The following LRRC56 variants were observed in gnomAD, a reference collection of about 807,000 sequenced individuals.
LRRC56 encodes the protein leucine-rich repeat-containing protein 56.
In LRRC56, 41 loss-of-function variants were observed where a neutral mutation model predicts 47.8. The observed-to-expected ratio is 0.86, with a 90% CI of 0.67 to 1.11. The LOEUF is 1.11. Among genes scored for constraint, LRRC56 ranks in the 50% most tolerant of loss-of-function variants. LRRC56 has a pLI of 0.00. For missense variants in LRRC56, 759 were observed against 704.2 expected (o/e 1.08, Z -0.88); for synonymous variants, 387 against 311.2 (o/e 1.24, Z -2.56).
the LRRC56 span, among the ~76,000 whole-genome samples, chr11:527,083 T>C: frequency 2.6e-5 from 4 of 152,050 alleles, no homozygotes; most frequent in Admixed American, 1.3e-4. Context: ...GGGCAGATCA[T>C]GAGGTCAGGA....
chr11:509,937 G>A, the LRRC56 span, among the ~76,000 whole-genome samples: 1 of 151,828 alleles, frequency 6.6e-6, no homozygotes, highest in Non-Finnish European at 1.5e-5. Flanking sequence ...GTATATGGAA[G>A]TATTCCCACC....
At chr11:523,813 A>G in the LRRC56 span, among the ~76,000 whole-genome samples, 1 of 152,142 alleles carries the variant, frequency 6.6e-6, no homozygotes, top group Non-Finnish European at 1.5e-5. Context: ...CTGTAGTCCC[A>G]GCTACTCAGG....
At chr11:524,912 G>A in the LRRC56 span, among the ~76,000 whole-genome samples, 1 of 151,712 alleles carries the variant, frequency 6.6e-6, no homozygotes, top group Admixed American at 6.6e-5. Context: ...CCGACATGGT[G>A]AAACCCTATC....
chr11:508,203 C>T, the LRRC56 span, among the ~76,000 whole-genome samples: 1 of 152,248 alleles, frequency 6.6e-6, no homozygotes, highest in Non-Finnish European at 1.5e-5. Flanking sequence ...TCTCACTCCA[C>T]TGCTTAGGCT....
At chr11:521,557 C>T in the LRRC56 span, among the ~76,000 whole-genome samples, 1 of 152,188 alleles carries the variant, frequency 6.6e-6, no homozygotes, top group Non-Finnish European at 1.5e-5. Context: ...ACTGGCCCAC[C>T]TCAACCTCTC....
intron 12 of LRRC56, 63 bp from the exon 13 acceptor site, chr11:552,506 C>A: frequency 1.4e-6 from 2 of 1,420,192 alleles, no homozygotes; most frequent in Non-Finnish European, 1.9e-6. Context: ...CATGGACCAT[C>A]CCTATGTGTC....
At chr11:523,027 G>GTTTTT in the LRRC56 span, among the ~76,000 whole-genome samples, 9 of 151,980 alleles carry the variant, frequency 5.9e-5, no homozygotes, top group Middle Eastern at 3.4e-3. Context: ...ACAATATATA[G>GTTTTT]TTTTTTGTTT....
intron 8 of LRRC56, 110 bp downstream of exon 8, chr11:550,382 C>G: frequency 1.0e-6 from 1 of 999,992 alleles, no homozygotes; most frequent in Non-Finnish European, 1.4e-6. Context: ...CACCCGCACC[C>G]TATGGCCTGC....
chr11:533,743 C>G (rs375166344), upstream of LRRC56: 2 of 1,612,980 alleles, frequency 1.2e-6, no homozygotes, highest in Non-Finnish European at 8.5e-7. Context: ...CGTGGGCTCC[C>G]GGGCCAGCCT....
At chr11:512,745 G>A in the LRRC56 span, among the ~76,000 whole-genome samples, 38 of 152,116 alleles carry the variant, frequency 2.5e-4, 1 homozygote, top group Admixed American at 6.5e-5. Context: ...TATATGAGTG[G>A]TATCCATGCC....
At position 541,429 on chromosome 11, in the gene LRRC56, G is replaced by GT; in HGVS notation, c.178-107dup. The GT allele has an allele frequency of 1.7e-6, 1 of 573,322 alleles. No individual in the cohort carries two copies. The highest frequency in any genetic ancestry group is 2.9e-6 in the Non-Finnish European group (1 of 340,006). 35.5% of individuals were successfully genotyped at this position (573,322 alleles called of 1,614,324 possible). On this transcript the variant is annotated intron_variant, in intron 4 of 13. Transcript: ENST00000270115. This position sits in a 1 kb window ranked among gnomAD's most constrained non-coding sequence, Gnocchi z 4.1. Reference sequence around the variant, plus strand: ...GCCAACATGGCCCAGGCAGGGAAACGTCGGTGCCTGCTCCAGCGGGAGCCC... The same window carrying GT: ...GCCAACATGGCCCAGGCAGGGAAACGTTCGGTGCCTGCTCCAGCGGGAGCCC...
At chr11:547,097 C>T (rs542939637) in intron 6 of LRRC56, among the ~76,000 whole-genome samples, 5 of 150,588 alleles carry the variant, frequency 3.3e-5, no homozygotes, top group African/African-American at 7.3e-5. Flanking sequence ...TTGGGCTTGG[C>T]GGTGCATGCC....
intron 6 of LRRC56, 122 bp downstream of exon 6, chr11:544,902 A>T: frequency 5.0e-6 from 5 of 991,618 alleles, no homozygotes; most frequent in Non-Finnish European, 6.1e-6. Flanking sequence ...CCAGGGACCC[A>T]GGGGTCTAGA....
upstream of LRRC56, chr11:533,709 G>C (rs2133989089): frequency 9.3e-6 from 15 of 1,610,318 alleles, no homozygotes; most frequent in Non-Finnish European, 1.3e-5. Context: ...CCTGGACGCA[G>C]CCGGCCTGGC....
In LRRC56 at chr11:554,570, C is replaced by G. The variant is rs1195880773; in HGVS notation, c.*294C>G. 4 of 414,496 alleles carry G rather than the reference C, an allele frequency of 9.7e-6. No individual in the cohort carries two copies. The highest frequency in any genetic ancestry group is 1.7e-5 in the Non-Finnish European group (4 of 234,066). 25.7% of individuals were successfully genotyped at this position (414,496 alleles called of 1,614,324 possible). Reference sequence around the variant, plus strand: ...GGGCACGGGGGTGGGGGGTGGTCACCCGAGCAGGCCTGTGAGAGGCCTCTC... The same window carrying G: ...GGGCACGGGGGTGGGGGGTGGTCACGCGAGCAGGCCTGTGAGAGGCCTCTC... On this transcript the variant is annotated 3_prime_UTR_variant, in exon 14 of 14. Coordinates refer to ENST00000270115, the MANE Select transcript of LRRC56 (RefSeq NM_198075.4).
At chr11:518,188 T>A in the LRRC56 span, among the ~76,000 whole-genome samples, 326 of 147,612 alleles carry the variant, frequency 2.2e-3, 1 homozygote, top group Middle Eastern at 7.1e-3. Context: ...AATAATAAAA[T>A]TTTTTTTTTT....
chr11:535,591 C>T (rs904066661), upstream of LRRC56: 1 of 150,752 alleles, frequency 6.6e-6, no homozygotes, highest in Non-Finnish European at 1.5e-5. Context: ...ACGCCCCGCC[C>T]CGCGCCCGTC....
At chr11:552,068 A>G (rs1017544830) in intron 11 of LRRC56, 22 bp from the exon 12 acceptor site, 2 of 1,608,534 alleles carry the variant, frequency 1.2e-6, no homozygotes, top group Non-Finnish European at 1.7e-6. Flanking sequence ...GAATCCCTAA[A>G]GCAGTCCCTT....
At position 552,548 on chromosome 11, in the gene LRRC56, C is replaced by T. The variant is rs569566022; in HGVS notation, c.1182-21C>T. The T allele has an allele frequency of 3.2e-5, 51 of 1,585,846 alleles. 1 individual carries two copies. In the South Asian group the frequency reaches 5.2e-4, roughly 16 times the overall value. On this transcript the variant is annotated intron_variant, in intron 12 of 13. Coordinates refer to ENST00000270115, the MANE Select transcript of LRRC56 (RefSeq NM_198075.4). The stretch of plus-strand genomic sequence containing the variant: ...CGTGGGGGGATCAGGGCTGGAGCTT[C>T]TCCTCCTCTCCCCACCCTAGCCCCC...
Sources: gnomAD v4.1 joint callset for allele counts (sites outside exome capture counted in the v4.1 genomes callset) on GRCh38, gnomAD v4.1.1 for gene constraint, Gnocchi (gnomAD v3.1) non-coding constraint, MANE v1.5 for transcripts, NCBI Gene and HGNC (gene_info 2026-07-23, HGNC 2026-07-21) for gene names.